The following GIPC3 variants were observed in gnomAD, a reference collection of about 807,000 sequenced individuals.
GIPC3 encodes the protein GIPC PDZ domain containing family member 3.
GIPC3 carries 16 observed loss-of-function variants against 27.3 expected under a neutral mutation model. The ratio of observed to expected loss-of-function variants is 0.59; its 90% CI spans 0.40 to 0.89. The LOEUF (loss-of-function observed/expected upper bound fraction) is 0.89. Among genes scored for constraint, GIPC3 ranks in the 40% least tolerant of loss-of-function variants. GIPC3 has a pLI of 0.00. For synonymous variants in GIPC3, 194 were observed against 184.6 expected, an observed-to-expected ratio of 1.05 and a Z score of -0.41; for missense variants, 440 against 442.1, an observed-to-expected ratio of 1.00 and a Z score of 0.04.
At position 3,592,608 on chromosome 19, in the gene GIPC3, AG is replaced by A; in HGVS notation, c.*2419del. On this transcript the variant is annotated 3_prime_UTR_variant, in exon 6 of 6. Coordinates refer to ENST00000644452, the MANE Select transcript of GIPC3 (RefSeq NM_133261.3). ...TCAGTCCAGCTCTGGAACCCAGTTC[AG>A]TTCTGGGATTCAGTTTGGCTCTGAA... 8.1e-7 allele frequency: 1 copy of A among 1,232,092 alleles called. No individual in the cohort carries two copies. Among genetic ancestry groups the A allele is most frequent in the Non-Finnish European group, 1.0e-6 (1 of 987,994 alleles). 76.3% of individuals were successfully genotyped at this position (1,232,092 alleles called of 1,614,324 possible). A position where few individuals can be genotyped will look rare whatever the true frequency, so the allele number is the denominator to read the frequency against.
chr19:3,593,401 G>A lies in GIPC3; in HGVS notation c.*3211G>A, dbSNP rs2145279939. The A allele has an allele frequency of 1.0e-6, 1 of 993,470 alleles. No homozygotes were observed. Among genetic ancestry groups the A allele is most frequent in the Non-Finnish European group, 1.3e-6 (1 of 770,656 alleles). 61.5% of individuals were successfully genotyped at this position (993,470 alleles called of 1,614,324 possible). On this transcript the variant is annotated 3_prime_UTR_variant, in exon 6 of 6. Transcript: ENST00000644452. ...TATTTCTCCAGCAGGCGGTGGTAGG[G>A]AGTGTGCGGTGGTGAAAACAGGGGC...
chr19:3,591,283 A>G lies in GIPC3; in HGVS notation c.*1093A>G. 1 of 1,232,556 alleles carries G rather than the reference A, an allele frequency of 8.1e-7. No homozygotes were observed. Among genetic ancestry groups the G allele is most frequent in the East Asian group, 3.2e-5 (1 of 31,708 alleles). The allele number at this position is 1,232,556 out of a possible 1,614,324, so 76.4% of individuals were successfully genotyped here. ...TGCTCTGAAGCCCAGGCCAGCTCTG[A>G]GACGAAGCACATCTCTAGAATCCAG... On this transcript the variant is annotated 3_prime_UTR_variant, in exon 6 of 6. Transcript: ENST00000644452.
At position 3,593,164 on chromosome 19, in the gene GIPC3, C is replaced by T; in HGVS notation, c.*2974C>T. On this transcript the variant is annotated 3_prime_UTR_variant, in exon 6 of 6. Coordinates refer to ENST00000644452, the MANE Select transcript of GIPC3 (RefSeq NM_133261.3). Reference sequence around the variant, plus strand: ...TCCACCCCACCCACCATATCTGTCACTCCTAGTCCTGCCCCTAGGGCAGCC... The same window carrying T: ...TCCACCCCACCCACCATATCTGTCATTCCTAGTCCTGCCCCTAGGGCAGCC... 2 of 1,232,384 alleles carry T rather than the reference C, an allele frequency of 1.6e-6. No homozygotes were observed. The highest frequency in any genetic ancestry group is 2.0e-6 in the Non-Finnish European group (2 of 988,144). The allele number at this position is 1,232,384 out of a possible 1,614,324, so 76.3% of individuals were successfully genotyped here. A position where few individuals can be genotyped will look rare whatever the true frequency, so the allele number is the denominator to read the frequency against.
chr19:3,593,293 G>C lies in GIPC3; in HGVS notation c.*3103G>C. The C allele has an allele frequency of 4.1e-6, 5 of 1,232,358 alleles. No homozygotes were observed. The East Asian group carries it at 1.6e-4, about 39-fold the overall frequency. The allele number at this position is 1,232,358 out of a possible 1,614,324, so 76.3% of individuals were successfully genotyped here. ...CCTTACCGCGGGGGGCCGTAGCTTGGCTGTGACTTAGCCCTGGTTCATGTG... is the reference window on the plus strand; with the variant it reads ...CCTTACCGCGGGGGGCCGTAGCTTGCCTGTGACTTAGCCCTGGTTCATGTG... On this transcript the variant is annotated 3_prime_UTR_variant, in exon 6 of 6. Coordinates refer to ENST00000644452, the MANE Select transcript of GIPC3 (RefSeq NM_133261.3).
chr19:3,590,610 G>C lies in GIPC3; in HGVS notation c.*420G>C. On this transcript the variant is annotated 3_prime_UTR_variant, in exon 6 of 6. Coordinates refer to ENST00000644452, the MANE Select transcript of GIPC3 (RefSeq NM_133261.3). ...CATGCCCAGCTCTAGAACTCAGATGGGCTCTGAGACCATGCCCAGCTCTAG... is the reference window on the plus strand; with the variant it reads ...CATGCCCAGCTCTAGAACTCAGATGCGCTCTGAGACCATGCCCAGCTCTAG... 2 of 1,263,102 alleles carry C rather than the reference G, an allele frequency of 1.6e-6. No individual in the cohort carries two copies. Among genetic ancestry groups the C allele is most frequent in the South Asian group, 6.1e-5 (2 of 33,024 alleles). 78.2% of individuals were successfully genotyped at this position (1,263,102 alleles called of 1,614,324 possible). A position where few individuals can be genotyped will look rare whatever the true frequency, so the allele number is the denominator to read the frequency against.
At chr19:3,586,731 C>A in intron 2 of GIPC3, 51 bp downstream of exon 2, 1 of 1,610,080 alleles carries the variant, frequency 6.2e-7, no homozygotes, top group Non-Finnish European at 8.5e-7. Flanking sequence ...GCAACTGCCC[C>A]CCCCACTCTG....
intron 3 of GIPC3, among the ~76,000 whole-genome samples, chr19:3,587,695 C>CTTTTTTTTTTTCTTTTTTT (rs2032401098): frequency 7.6e-6 from 1 of 131,206 alleles, no homozygotes; most frequent in African/African-American, 3.0e-5. Flanking sequence ...CTTTTCTTTT[C>CTTTTTTTTTTTCTTTTTTT]TTTTTTTTTT....
At chr19:3,585,957 G>C (rs2032356091) in intron 1 of GIPC3, 135 bp downstream of exon 1, 1 of 1,420,430 alleles carries the variant, frequency 7.0e-7, no homozygotes, top group Admixed American at 2.3e-5. Context: ...CCGGATCTCA[G>C]AGACCCAGCC....
In GIPC3 at chr19:3,591,431, T is replaced by C; in HGVS notation, c.*1241T>C. 8.1e-7 allele frequency: 1 copy of C among 1,232,224 alleles called. No homozygotes were observed. Among genetic ancestry groups the C allele is most frequent in the Non-Finnish European group, 1.0e-6 (1 of 988,160 alleles). The allele number at this position is 1,232,224 out of a possible 1,614,324, so 76.3% of individuals were successfully genotyped here. ...CGGAGACCAAGCCCTGCTGGAAAAC[T>C]CAAGCTGACTCTGGAACTCTGGACA... On this transcript the variant is annotated 3_prime_UTR_variant, in exon 6 of 6. Coordinates refer to ENST00000644452, the MANE Select transcript of GIPC3 (RefSeq NM_133261.3).
Position 3,591,658 on chromosome 19 carries a change from C to A in GIPC3, c.*1468C>A. The A allele has an allele frequency of 8.1e-7, 1 of 1,234,344 alleles. No individual in the cohort carries two copies. Among genetic ancestry groups the A allele is most frequent in the Non-Finnish European group, 1.0e-6 (1 of 989,756 alleles). The allele number at this position is 1,234,344 out of a possible 1,614,324, so 76.5% of individuals were successfully genotyped here. A position where few individuals can be genotyped will look rare whatever the true frequency, so the allele number is the denominator to read the frequency against. The stretch of plus-strand genomic sequence containing the variant: ...GTCCACACGGCTGCCCAGTCCAGAT[C>A]CCAACCCCAGTTGCATCCAAGTGCC... On this transcript the variant is annotated 3_prime_UTR_variant, in exon 6 of 6. Transcript: ENST00000644452.
intron 3 of GIPC3, among the ~76,000 whole-genome samples, chr19:3,587,925 G>A (rs2032406329): frequency 1.3e-5 from 2 of 151,860 alleles, no homozygotes; most frequent in Admixed American, 6.6e-5. Flanking sequence ...TCCTGACCTC[G>A]TGATCCGCCC....
In GIPC3 at chr19:3,592,954, C is replaced by A; in HGVS notation, c.*2764C>A. 2 of 1,214,898 alleles carry A rather than the reference C, an allele frequency of 1.6e-6. No homozygotes were observed. The highest frequency in any genetic ancestry group is 2.1e-6 in the Non-Finnish European group (2 of 974,138). The allele number at this position is 1,214,898 out of a possible 1,614,324, so 75.3% of individuals were successfully genotyped here. On this transcript the variant is annotated 3_prime_UTR_variant, in exon 6 of 6. Coordinates refer to ENST00000644452, the MANE Select transcript of GIPC3 (RefSeq NM_133261.3). ...CCAGGCCCATCCCCCAGAGACCCCA[C>A]CCCAGCCCCTAGCAAAGACCCCCAG...
In GIPC3 at chr19:3,591,701, C is replaced by T; in HGVS notation, c.*1511C>T. 2 of 1,234,658 alleles carry T rather than the reference C, an allele frequency of 1.6e-6. No individual in the cohort carries two copies. Among genetic ancestry groups the T allele is most frequent in the South Asian group, 8.2e-5 (2 of 24,458 alleles). The allele number at this position is 1,234,658 out of a possible 1,614,324, so 76.5% of individuals were successfully genotyped here. A position where few individuals can be genotyped will look rare whatever the true frequency, so the allele number is the denominator to read the frequency against. ...CAAGTGCCCATCCCCATCCTGCAGC[C>T]CAGTCCAGCTCCAGTGATGATTCCA... On this transcript the variant is annotated 3_prime_UTR_variant, in exon 6 of 6. Coordinates refer to ENST00000644452, the MANE Select transcript of GIPC3 (RefSeq NM_133261.3).
intron 1 of GIPC3, 44 bp from the exon 2 acceptor site, chr19:3,586,451 G>C (rs1463689738): frequency 4.5e-6 from 7 of 1,572,896 alleles, no homozygotes; most frequent in Non-Finnish European, 1.7e-6. Context: ...TGCGTGGGGG[G>C]ATGCATGCCC....
rs1467514047 is a variant in GIPC3 at position 3,590,240 on chromosome 19, G to C, written c.*50G>C. ...GCCCCAGCCCGGAGCCCAGCCCCCT[G>C]CCCCGGCCCTGCTCCAGAACCCAGC... On this transcript the variant is annotated 3_prime_UTR_variant, in exon 6 of 6. Transcript: ENST00000644452. The C allele has an allele frequency of 1.9e-6, 3 of 1,546,778 alleles. No individual in the cohort carries two copies. Among genetic ancestry groups the C allele is most frequent in the Non-Finnish European group, 2.6e-6 (3 of 1,144,946 alleles).
rs755711801 is a variant in GIPC3 at position 3,590,235 on chromosome 19, CCCCTGCCCCGG to C, written c.*52_*62del. On this transcript the variant is annotated 3_prime_UTR_variant, in exon 6 of 6. Coordinates refer to ENST00000644452, the MANE Select transcript of GIPC3 (RefSeq NM_133261.3). ...GCACAGCCCCAGCCCGGAGCCCAGC[CCCCTGCCCCGG>C]CCCTGCTCCAGAACCCAGCCCAGAT... The C allele has an allele frequency of 1.3e-6, 2 of 1,550,962 alleles. No individual in the cohort carries two copies. The highest frequency in any genetic ancestry group is 2.4e-5 in the South Asian group (2 of 84,534).
In GIPC3 at chr19:3,586,515, C is replaced by A; in HGVS notation, c.246C>A (p.Asn82Lys). Residue 82 changes from asparagine to lysine, a missense_variant, in exon 2 of 6, where the codon AAC becomes AAA. Transcript: ENST00000644452. ...APTEILFCTL[N>K]SHKVDMQKLL... is the part of the protein sequence containing the mutation. ...GGAAGATTTTATTCTGCACCCTCAA[C>A]AGCCACAAAGTGGACATGCAGAAGC... The A allele has an allele frequency of 1.2e-6, 2 of 1,613,808 alleles. No individual in the cohort carries two copies. Among genetic ancestry groups the A allele is most frequent in the Non-Finnish European group, 1.7e-6 (2 of 1,179,970 alleles).
chr19:3,585,743 C>A lies in GIPC3; in HGVS notation c.146C>A (p.Thr49Lys), dbSNP rs772531737. 3 of 1,541,824 alleles carry A rather than the reference C, an allele frequency of 1.9e-6. No homozygotes were observed. The highest frequency in any genetic ancestry group is 1.4e-5 in the African/African-American group (1 of 72,242). ...ACGCAGCTGGCGCACGGGAGCCCCA[C>A]GGGCAAGATCGAGGGCTTCACCAAC... ...FRTQLAHGSP[T>K]GKIEGFTNVR... Residue 49 changes from threonine to lysine, a missense_variant, in exon 1 of 6, where the codon ACG (threonine) becomes AAG (lysine). Coordinates refer to ENST00000644452, the MANE Select transcript of GIPC3 (RefSeq NM_133261.3).
intron 3 of GIPC3, among the ~76,000 whole-genome samples, chr19:3,588,769 C>T (rs556785003): frequency 2.6e-5 from 4 of 151,874 alleles, no homozygotes; most frequent in East Asian, 1.9e-4. Flanking sequence ...ATGGTGAAAC[C>T]CTGTCTCTAC....
Sources: gnomAD v4.1 joint callset for allele counts (sites outside exome capture counted in the v4.1 genomes callset) on GRCh38, gnomAD v4.1.1 for gene constraint, MANE v1.5 for transcripts, NCBI Gene and HGNC (gene_info 2026-07-23, HGNC 2026-07-21) for gene names.